Variants in MDGA2 observed in about 807,000 individuals in gnomAD.
The protein encoded by MDGA2 is MAM domain-containing glycosylphosphatidylinositol anchor protein 2.
In MDGA2, 40 loss-of-function variants were observed where a neutral mutation model predicts 117.8. The observed-to-expected ratio is 0.34, with a 90% CI of 0.26 to 0.44. The LOEUF (loss-of-function observed/expected upper bound fraction) is 0.44, where lower values mean the gene tolerates loss of function less well. Ranked by LOEUF, MDGA2 falls within the 20% of genes least tolerant of loss-of-function variation. The pLI, the probability that MDGA2 is intolerant of heterozygous loss-of-function variation, is 1.00. For missense variants in MDGA2, 1,123 were observed against 1,250.6 expected (o/e 0.90, Z 1.54); for synonymous variants, 452 against 439.0 (o/e 1.03, Z -0.37).
intron 1 of MDGA2, among the ~76,000 whole-genome samples, chr14:47,353,132 T>G (rs1890920465): frequency 6.6e-6 from 1 of 152,136 alleles, no homozygotes; most frequent in Admixed American, 6.5e-5. Context: ...GCAAGCATGT[T>G]CTGGGTGGTC....
In MDGA2 at chr14:46,942,861, G is replaced by A. The variant is rs548218337; in HGVS notation, c.2089+14513C>T. On this transcript the variant is annotated intron_variant, in intron 9 of 16. Transcript: ENST00000399232. ...AAATGAAGCTGATATTAAAGTTTGTGCATAAGTCTTTGTGTATACATGTGC... is the reference window on the plus strand; with the variant it reads ...AAATGAAGCTGATATTAAAGTTTGTACATAAGTCTTTGTGTATACATGTGC... 5.9e-5 allele frequency among the ~76,000 whole-genome samples: 9 copies of A among 152,166 alleles called. 1 individual carries two copies. The highest frequency in any genetic ancestry group is 1.9e-4 in the African/African-American group (8 of 41,556).
At chr14:47,347,785 T>C (rs1056177495) in intron 1 of MDGA2, among the ~76,000 whole-genome samples, 2 of 152,164 alleles carry the variant, frequency 1.3e-5, no homozygotes, top group African/African-American at 4.8e-5. Flanking sequence ...AAGGACATCA[T>C]TACGATGTCC....
At chr14:47,237,429 T>C (rs768672281) in intron 2 of MDGA2, among the ~76,000 whole-genome samples, 3 of 152,160 alleles carry the variant, frequency 2.0e-5, no homozygotes, top group Non-Finnish European at 2.9e-5. Flanking sequence ...TTCTAAATAA[T>C]GAGTAGGACT....
intron 5 of MDGA2, among the ~76,000 whole-genome samples, chr14:47,104,550 C>T (rs1362697999): frequency 6.7e-6 from 1 of 149,340 alleles, no homozygotes; most frequent in African/African-American, 2.5e-5. Flanking sequence ...TCCTATAAAA[C>T]GGCCCCACCC....
intron 5 of MDGA2, among the ~76,000 whole-genome samples, chr14:47,109,608 A>G (rs562916920): frequency 6.6e-6 from 1 of 152,290 alleles, no homozygotes; most frequent in South Asian, 2.1e-4. Flanking sequence ...AAATTATTAA[A>G]CCAAAACTCC....
chr14:47,627,283 G>A (rs1566548154), intron 1 of MDGA2, among the ~76,000 whole-genome samples: 1 of 152,104 alleles, frequency 6.6e-6, no homozygotes, highest in African/African-American at 2.4e-5. Flanking sequence ...TTTATGTCTA[G>A]CTAAGGGATT....
intron 15 of MDGA2, among the ~76,000 whole-genome samples, chr14:46,849,911 C>A (rs1880993608): frequency 6.6e-6 from 1 of 151,736 alleles, no homozygotes; most frequent in South Asian, 2.1e-4. Context: ...GAACTAACAG[C>A]AACTAGGTAC....
At chr14:47,088,923 C>T (rs1456184106) in intron 6 of MDGA2, among the ~76,000 whole-genome samples, 1 of 152,136 alleles carries the variant, frequency 6.6e-6, no homozygotes, top group Non-Finnish European at 1.5e-5. Context: ...AAACTGTAAA[C>T]ACTATGTTAG....
chr14:47,243,169 C>T (rs942937871), intron 2 of MDGA2, among the ~76,000 whole-genome samples: 5 of 151,644 alleles, frequency 3.3e-5, no homozygotes, highest in Admixed American at 6.6e-5. Context: ...ATGCACCAAT[C>T]GACACTCTGT....
intron 2 of MDGA2, among the ~76,000 whole-genome samples, chr14:47,255,670 A>C (rs903716794): frequency 1.3e-5 from 2 of 152,108 alleles, no homozygotes; most frequent in Non-Finnish European, 2.9e-5. Context: ...TTGTTACTTA[A>C]AAATGATAAT....
At chr14:47,282,646 G>T (rs1205253399) in intron 2 of MDGA2, among the ~76,000 whole-genome samples, 2 of 151,278 alleles carry the variant, frequency 1.3e-5, no homozygotes, top group Non-Finnish European at 2.9e-5. Context: ...TCAGTGAGCC[G>T]AGATAGGGCC....
intron 1 of MDGA2, among the ~76,000 whole-genome samples, chr14:47,335,583 T>G (rs1018846732): frequency 6.6e-6 from 1 of 151,328 alleles, no homozygotes; most frequent in Non-Finnish European, 1.5e-5. Context: ...TTTTAATCTC[T>G]GTGTTTACAC....
chr14:46,949,195 A>G (rs1440995338), intron 9 of MDGA2, among the ~76,000 whole-genome samples: 1 of 152,034 alleles, frequency 6.6e-6, no homozygotes, highest in Non-Finnish European at 1.5e-5. Flanking sequence ...ATCTGTTAGA[A>G]GATGTTAAAA....
At chr14:47,499,694 ACAGAAGC>A (rs1174706018) in intron 1 of MDGA2, among the ~76,000 whole-genome samples, 6 of 152,156 alleles carry the variant, frequency 3.9e-5, no homozygotes, top group Non-Finnish European at 8.8e-5. Flanking sequence ...AAGAGGCACA[ACAGAAGC>A]AGAACTTATC....
chr14:47,310,819 G>T (rs1184862231), intron 1 of MDGA2, among the ~76,000 whole-genome samples: 1 of 152,082 alleles, frequency 6.6e-6, no homozygotes, highest in East Asian at 1.9e-4. Flanking sequence ...TGCCTTTATG[G>T]TACCACTTTT....
At chr14:47,087,801 C>CAAAAAAAA (rs11418956) in intron 6 of MDGA2, among the ~76,000 whole-genome samples, 1 of 139,310 alleles carries the variant, frequency 7.2e-6, no homozygotes, top group African/African-American at 2.7e-5. Context: ...TGTAGGGTAT[C>CAAAAAAAA]AAAAAAAAAA....
intron 1 of MDGA2, among the ~76,000 whole-genome samples, chr14:47,601,619 A>G (rs1470300340): frequency 6.6e-6 from 1 of 152,210 alleles, no homozygotes; most frequent in Non-Finnish European, 1.5e-5. Flanking sequence ...CTTATTTTAA[A>G]TAAGAAAGAC....
intron 3 of MDGA2, among the ~76,000 whole-genome samples, chr14:47,203,316 T>G (rs1026501962): frequency 6.6e-6 from 1 of 151,932 alleles, no homozygotes; most frequent in Non-Finnish European, 1.5e-5. Context: ...ATGCTATTTG[T>G]CATGACATGG....
At chr14:47,218,676 A>T (rs1249328196) in intron 2 of MDGA2, among the ~76,000 whole-genome samples, 1 of 152,038 alleles carries the variant, frequency 6.6e-6, no homozygotes, top group Non-Finnish European at 1.5e-5. Context: ...TAATACCATA[A>T]TGGCTTATTG....
Sources: allele counts gnomAD v4.1 joint callset (sites outside exome capture counted in the v4.1 genomes callset), GRCh38; gene constraint gnomAD v4.1.1; transcripts MANE v1.5; gene names NCBI Gene and HGNC (gene_info 2026-07-23, HGNC 2026-07-21).